The following AKT3 variants were observed in gnomAD, a reference collection of about 807,000 sequenced individuals.
AKT3 encodes the protein AKT serine/threonine kinase 3, also known as RAC-gamma serine/threonine-protein kinase.
Under a neutral mutation model 65.3 loss-of-function variants are expected in AKT3, and 15 were observed. The observed-to-expected ratio is 0.23, with a 90% confidence interval of 0.15 to 0.35. The LOEUF (loss-of-function observed/expected upper bound fraction) is 0.35, where lower values mean the gene tolerates loss of function less well. Ranked by LOEUF, AKT3 falls within the 10% of genes least tolerant of loss-of-function variation. The pLI is 1.00. For synonymous variants in AKT3, 206 were observed against 183.8 expected (o/e 1.12, Z -0.98); for missense variants, 243 against 576.5 (o/e 0.42, Z 5.92).
intron 2 of AKT3, among the ~76,000 whole-genome samples, chr1:243,808,583 G>T (rs181329653): frequency 4.6e-5 from 7 of 152,298 alleles, no homozygotes; most frequent in Admixed American, 1.3e-4. Context: ...CAGGGAGAAT[G>T]GAACCAAGTT....
At chr1:243,523,616 C>T (rs1158579545) in intron 12 of AKT3, among the ~76,000 whole-genome samples, 2 of 152,174 alleles carry the variant, frequency 1.3e-5, no homozygotes, top group African/African-American at 2.4e-5. Context: ...AATATTCATA[C>T]TAAAGTCATA....
intron 8 of AKT3, among the ~76,000 whole-genome samples, chr1:243,610,233 C>A (rs1677768502): frequency 6.6e-6 from 1 of 152,166 alleles, no homozygotes; most frequent in Non-Finnish European, 1.5e-5. Context: ...TATTTTACCC[C>A]TTTTAGCTAA....
At chr1:243,593,043 C>T (rs548215082) in intron 8 of AKT3, among the ~76,000 whole-genome samples, 66 of 152,118 alleles carry the variant, frequency 4.3e-4, no homozygotes, top group African/African-American at 1.5e-3. Context: ...TATAGTTAAC[C>T]GTCATCCCAC....
rs187419693 is a variant in AKT3, at chr1:243,822,888, C to T, written c.46+20237G>A. ...TAGTATCACTTCTTCTGAAACTATT[C>T]CCAACAATTGAAAAGGAGGGACTTC... On this transcript the variant is annotated intron_variant, in intron 2 of 13. Transcript: ENST00000673466. Among the ~76,000 whole-genome samples, 508 of 152,198 alleles carry T rather than the reference C, an allele frequency of 3.3e-3. 2 individuals carry two copies. Among genetic ancestry groups the T allele is most frequent in the Admixed American group, 6.1e-3 (93 of 15,288 alleles).
intron 2 of AKT3, among the ~76,000 whole-genome samples, chr1:243,802,154 A>G (rs947031417): frequency 6.6e-6 from 1 of 152,124 alleles, no homozygotes; most frequent in Non-Finnish European, 1.5e-5. Context: ...CCTGGTCAGA[A>G]TTTTCCTTTT....
chr1:243,568,662 A>C (rs1346476811), intron 9 of AKT3, among the ~76,000 whole-genome samples: 1 of 152,204 alleles, frequency 6.6e-6, no homozygotes, highest in Admixed American at 6.5e-5. Flanking sequence ...GATGGCTAGC[A>C]TAAAATTAAA....
intron 11 of AKT3, 49 bp downstream of exon 11, chr1:243,552,680 T>C: frequency 3.3e-6 from 5 of 1,535,088 alleles, no homozygotes; most frequent in Non-Finnish European, 4.5e-6. Context: ...CATATCTCAA[T>C]TTTTAACCAC....
intron 12 of AKT3, among the ~76,000 whole-genome samples, chr1:243,533,799 G>T (rs1346614868): frequency 6.6e-6 from 1 of 151,914 alleles, no homozygotes; most frequent in African/African-American, 2.4e-5. Context: ...GACCATCCTG[G>T]CTAATATGGT....
At chr1:243,492,604 GTTT>G (rs74162289) in intron 13 of AKT3, among the ~76,000 whole-genome samples, 46 of 58,870 alleles carry the variant, frequency 7.8e-4, no homozygotes, top group African/African-American at 2.8e-3. Flanking sequence ...GCGCCCAGCT[GTTT>G]TTTTTTTTTT....
intron 8 of AKT3, among the ~76,000 whole-genome samples, chr1:243,611,378 T>C (rs528470902): frequency 1.3e-5 from 2 of 152,302 alleles, no homozygotes; most frequent in Admixed American, 1.3e-4. Context: ...TCTAATTAAT[T>C]GGTCATTAAG....
intron 12 of AKT3, among the ~76,000 whole-genome samples, chr1:243,539,252 A>G (rs1672129993): frequency 6.6e-6 from 1 of 152,156 alleles, no homozygotes; most frequent in Non-Finnish European, 1.5e-5. Context: ...TAACATGAAG[A>G]CAACGAGGAG....
intron 6 of AKT3, among the ~76,000 whole-genome samples, chr1:243,622,782 G>A (rs1048691728): frequency 2.6e-5 from 4 of 152,172 alleles, no homozygotes; most frequent in African/African-American, 9.7e-5. Flanking sequence ...AATCGTTGAT[G>A]CAATGTTTAA....
chr1:243,741,471 T>C (rs1010253639), intron 2 of AKT3, among the ~76,000 whole-genome samples: 1 of 152,222 alleles, frequency 6.6e-6, no homozygotes, highest in African/African-American at 2.4e-5. Flanking sequence ...AGAATATTAA[T>C]CTTGGCAATA....
At chr1:243,554,753 G>A (rs1346463506) in intron 10 of AKT3, among the ~76,000 whole-genome samples, 3 of 151,146 alleles carry the variant, frequency 2.0e-5, no homozygotes, top group African/African-American at 7.3e-5. Context: ...TGGCATATAC[G>A]AAAAGGAGCC....
intron 2 of AKT3, among the ~76,000 whole-genome samples, chr1:243,782,367 T>TC (rs1690968676): frequency 6.6e-6 from 1 of 152,132 alleles, no homozygotes; most frequent in African/African-American, 2.4e-5. Context: ...AGGCTGGAAG[T>TC]CCAAGTACAA....
At chr1:243,849,713 C>T (rs1189541382) in intron 1 of AKT3, among the ~76,000 whole-genome samples, 3 of 151,314 alleles carry the variant, frequency 2.0e-5, no homozygotes, top group Non-Finnish European at 4.4e-5. Flanking sequence ...CCGGGGCAGC[C>T]CAGACACAGA....
intron 2 of AKT3, among the ~76,000 whole-genome samples, chr1:243,797,247 T>G (rs1200060858): frequency 6.6e-6 from 1 of 152,016 alleles, no homozygotes. Flanking sequence ...TGCAAAGCTC[T>G]CTCTCTCCTT....
At chr1:243,570,050 T>G (rs781450701) in intron 9 of AKT3, among the ~76,000 whole-genome samples, 2 of 152,258 alleles carry the variant, frequency 1.3e-5, no homozygotes, top group East Asian at 3.8e-4. Flanking sequence ...ACAAATTAAA[T>G]GAACTTACTT....
chr1:243,807,992 C>T (rs1692856460), intron 2 of AKT3: 1 of 152,246 alleles, frequency 6.6e-6, no homozygotes, highest in Admixed American at 6.5e-5. Context: ...AGAAGGAAAA[C>T]TAACAAATAG....
Sources: allele counts gnomAD v4.1 joint callset (sites outside exome capture counted in the v4.1 genomes callset), GRCh38; gene constraint gnomAD v4.1.1; transcripts MANE v1.5; gene names NCBI Gene and HGNC (gene_info 2026-07-23, HGNC 2026-07-21).